Variants in SHOX observed in about 807,000 individuals in gnomAD.
SHOX encodes SHOX homeobox, also known as short stature homeobox protein.
Under a neutral mutation model 29.6 loss-of-function variants are expected in SHOX, and 12 were observed. The ratio of observed to expected loss-of-function variants is 0.41; its 90% confidence interval spans 0.26 to 0.66. The LOEUF (loss-of-function observed/expected upper bound fraction) is 0.66, where lower values mean the gene tolerates loss of function less well. Among genes scored for constraint, SHOX ranks in the 30% least tolerant of loss-of-function variants. The pLI is 0.35. For synonymous variants in SHOX, 214 were observed against 200.6 expected (o/e 1.07, Z -0.57); for missense variants, 499 against 437.7 (o/e 1.14, Z -1.25).
intron 4 of SHOX, among the ~76,000 whole-genome samples, chrX:643,434 TG>T (rs1481680070): frequency 6.8e-6 from 1 of 146,346 alleles, no homozygotes; most frequent in Non-Finnish European, 1.5e-5. Flanking sequence ...TGGAGAGGCC[TG>T]GGGACCTGGT....
intron 5 of SHOX, among the ~76,000 whole-genome samples, chrX:657,528 G>T (rs752068729): frequency 5.9e-5 from 9 of 152,172 alleles, no homozygotes; most frequent in Non-Finnish European, 1.3e-4. Flanking sequence ...TTTCAGAGAA[G>T]AACCTGCACA....
At position 648,783 on chromosome X, in the gene SHOX, A is replaced by G. The variant is rs1016665769; in HGVS notation, c.*4147A>G. 1.3e-5 allele frequency among the ~76,000 whole-genome samples: 2 copies of G among 151,918 alleles called. No individual in the cohort carries two copies. The highest frequency in any genetic ancestry group is 2.9e-5 in the Non-Finnish European group (2 of 67,990). The stretch of plus-strand genomic sequence containing the variant: ...CCCTGAATGAGTGTGGGGTACGTGT[A>G]TGCTAGCTGCTTCTTTCTCCCTGAA... On this transcript the variant is annotated 3_prime_UTR_variant, in exon 5 of 5. Coordinates refer to ENST00000686671, the MANE Select transcript of SHOX (RefSeq NM_000451.4).
At chrX:633,364 A>T (rs2052681787) in intron 1 of SHOX, among the ~76,000 whole-genome samples, 1 of 152,080 alleles carries the variant, frequency 6.6e-6, no homozygotes, top group African/African-American at 2.4e-5. Flanking sequence ...CGTCTCCAGG[A>T]AACGATTCAC....
intron 1 of SHOX, 58 bp downstream of exon 1, chrX:631,232 G>T: frequency 1.3e-6 from 2 of 1,598,564 alleles, no homozygotes; most frequent in Non-Finnish European, 8.6e-7. Flanking sequence ...GCGCCTCCTC[G>T]CCACGGAGTC....
downstream of SHOX, among the ~76,000 whole-genome samples, chrX:655,800 G>A (rs148619534): frequency 7.7e-3 from 1,178 of 152,076 alleles, 14 homozygotes; most frequent in African/African-American, 0.027. Flanking sequence ...GAGCTGCAGT[G>A]CGTTTGCCGT....
Position 646,991 on chromosome X carries a change from G to T in SHOX, c.*2355G>T, listed in dbSNP as rs1047551009. ...AAAGGCTGAGTAATTTTGAAAAATCGAAACATAACAGTGTGTCATCATTTC... is the reference window on the plus strand; with the variant it reads ...AAAGGCTGAGTAATTTTGAAAAATCTAAACATAACAGTGTGTCATCATTTC... On this transcript the variant is annotated 3_prime_UTR_variant, in exon 5 of 5. Transcript: ENST00000686671. Among the ~76,000 whole-genome samples the T allele has an allele frequency of 6.6e-6, 1 of 151,296 alleles. No homozygotes were observed. The highest frequency in any genetic ancestry group is 2.4e-5 in the African/African-American group (1 of 41,070).
rs1436186527 is a variant in SHOX at position 645,228 on chromosome X, T to A, written c.*592T>A. The A allele has an allele frequency of 6.6e-6, 1 of 152,054 alleles. No individual in the cohort carries two copies. Among genetic ancestry groups the A allele is most frequent in the Non-Finnish European group, 1.5e-5 (1 of 68,032 alleles). The allele number at this position is 152,054 out of a possible 1,614,324, so 9.4% of individuals were successfully genotyped here. ...AGCAATAAGGAAATAGTTCTCTGGC[T>A]GAGGCTGAGGACGTGAACCGCGGGC... On this transcript the variant is annotated 3_prime_UTR_variant, in exon 5 of 5. Transcript: ENST00000686671.
At chrX:631,237 G>C in intron 1 of SHOX, 63 bp downstream of exon 1, 3 of 1,589,330 alleles carry the variant, frequency 1.9e-6, no homozygotes, top group Non-Finnish European at 2.6e-6. Context: ...TCCTCGCCAC[G>C]GAGTCGGCCC....
At chrX:633,719 T>C (rs865832258) in intron 1 of SHOX, among the ~76,000 whole-genome samples, 2 of 151,996 alleles carry the variant, frequency 1.3e-5, no homozygotes, top group Non-Finnish European at 2.9e-5. Flanking sequence ...TCATCTGTGC[T>C]CAGCAGGCCC....
upstream of SHOX, among the ~76,000 whole-genome samples, chrX:628,265 C>CTT (rs2052577003): frequency 8.7e-6 from 1 of 115,246 alleles, no homozygotes; most frequent in African/African-American, 3.3e-5. Flanking sequence ...CTTTCTCTCT[C>CTT]TCCATCTCTC....
Position 650,353 on chromosome X carries a change from C to A in SHOX, c.*5717C>A, listed in dbSNP as rs903995768. On this transcript the variant is annotated 3_prime_UTR_variant, in exon 5 of 5. Transcript: ENST00000686671. ...TCCATCCCGCCAAAGTCCAGCCAGG[C>A]CCCCGAAATGGTCCCATTTCCTTGG... Among the ~76,000 whole-genome samples the A allele has an allele frequency of 6.6e-6, 1 of 152,172 alleles. No homozygotes were observed. The highest frequency in any genetic ancestry group is 1.5e-5 in the Non-Finnish European group (1 of 68,036).
Position 631,016 on chromosome X carries a change from A to G in SHOX, c.119A>G (p.Glu40Gly). 6.2e-7 allele frequency: 1 copy of G among 1,613,840 alleles called. No individual in the cohort carries two copies. The highest frequency in any genetic ancestry group is 8.5e-7 in the Non-Finnish European group (1 of 1,179,840). ...TCCATTACGTACCGGGAAGTTTTGGAGAGCGGACTGGCGCGCTCCCGGGAG... is the reference window on the plus strand; with the variant it reads ...TCCATTACGTACCGGGAAGTTTTGGGGAGCGGACTGGCGCGCTCCCGGGAG... The part of the protein sequence containing the change: ...KDSITYREVL[E>G]SGLARSRELG... Residue 40 changes from glutamate to glycine, a missense_variant, in exon 1 of 5, where the codon GAG becomes GGG. Transcript: ENST00000686671.
chrX:644,202 C>A, intron 4 of SHOX, 189 bp from the exon 5 acceptor site: 1 of 365,130 alleles, frequency 2.7e-6, no homozygotes, highest in Non-Finnish European at 3.8e-6. Context: ...GCGGATGCAT[C>A]CAGTGGCAGC....
At chrX:639,261 C>T (rs2052808346) in intron 2 of SHOX, among the ~76,000 whole-genome samples, 1 of 152,202 alleles carries the variant, frequency 6.6e-6, no homozygotes, top group Non-Finnish European at 1.5e-5. Context: ...ATGCCCCCAC[C>T]ACAAAGCCTG....
At chrX:625,958 T>C (rs1251638564), upstream of SHOX, among the ~76,000 whole-genome samples, 3 of 59,002 alleles carry the variant, frequency 5.1e-5, no homozygotes, top group Non-Finnish European at 1.1e-4. Flanking sequence ...TTCGTTCCTC[T>C]CTCTCTTTTT....
At chrX:631,365 T>C in intron 1 of SHOX, 191 bp downstream of exon 1, 1 of 304,074 alleles carries the variant, frequency 3.3e-6, no homozygotes, top group Non-Finnish European at 4.8e-6. Flanking sequence ...GAGACGCGGG[T>C]GGTGGGTAGC....
rs1185509416 is a variant in SHOX at position 646,513 on chromosome X, C to T, written c.*1877C>T. 1.3e-5 allele frequency: 2 copies of T among 151,214 alleles called. No individual in the cohort carries two copies. Among genetic ancestry groups the T allele is most frequent in the African/African-American group, 2.5e-5 (1 of 40,816 alleles). The allele number at this position is 151,214 out of a possible 1,614,324, so 9.4% of individuals were successfully genotyped here. On this transcript the variant is annotated 3_prime_UTR_variant, in exon 5 of 5. Transcript: ENST00000686671. The stretch of plus-strand genomic sequence containing the variant: ...TCTTTCCTAACTTCTGATTTAGATA[C>T]TTCTCCCTGAGGTGGGGATAAAAGA...
At chrX:656,281 A>AATAAATAAGTAAATAACT (rs1272329980), downstream of SHOX, among the ~76,000 whole-genome samples, 1 of 151,450 alleles carries the variant, frequency 6.6e-6, no homozygotes, top group Admixed American at 6.6e-5. Context: ...GTTTCTCCAA[A>AATAAATAAGTAAATAACT]AAATCAAAAA....
rs1369690854 is a variant in SHOX at position 635,795 on chromosome X, C to T, written c.486+969C>T. 9.2e-5 allele frequency among the ~76,000 whole-genome samples: 14 copies of T among 152,124 alleles called. No individual in the cohort carries two copies. The East Asian group carries it at 2.7e-3, about 29-fold the overall frequency. On this transcript the variant is annotated intron_variant, in intron 2 of 4. Coordinates refer to ENST00000686671, the MANE Select transcript of SHOX (RefSeq NM_000451.4). ...AGCCCCTGCCTGACAGTTCAGCTCC[C>T]CTGGAAGGTCAACTCCTCTAGTCCT...
Sources: gnomAD v4.1 joint callset for allele counts (sites outside exome capture counted in the v4.1 genomes callset) on GRCh38, gnomAD v4.1.1 for gene constraint, MANE v1.5 for transcripts, NCBI Gene and HGNC (gene_info 2026-07-23, HGNC 2026-07-21) for gene names.